The following AGPAT4 variants were observed in gnomAD, a reference collection of about 807,000 sequenced individuals.
The protein encoded by AGPAT4 is 1-acyl-sn-glycerol-3-phosphate acyltransferase delta.
A neutral mutation model predicts 48.0 loss-of-function variants in AGPAT4; 15 were observed. That is an observed-to-expected ratio of 0.31 (90% CI 0.21 to 0.48). The LOEUF is 0.48. AGPAT4 is among the 20% of genes least tolerant of loss of function. AGPAT4 has a pLI of 0.99. For missense variants in AGPAT4, 314 were observed against 482.5 expected, an observed-to-expected ratio of 0.65 and a Z score of 3.27; for synonymous variants, 178 against 198.7, an observed-to-expected ratio of 0.90 and a Z score of 0.88.
In AGPAT4 at chr6:161,261,299, C is replaced by A. The variant is rs1783093612; in HGVS notation, c.-90+12639G>T. ...CCATGAGACAAACAACAGAAAAGAC[C>A]CGGCACAGTCCTGGGCCACATGACG... On this transcript the variant is annotated intron_variant, in intron 1 of 8. Transcript: ENST00000320285. The surrounding 1 kb of genome is among the most constrained non-coding windows in gnomAD (Gnocchi z 5.3). Among the ~76,000 whole-genome samples the A allele has an allele frequency of 6.6e-6, 1 of 152,120 alleles. No homozygotes were observed. Among genetic ancestry groups the A allele is most frequent in the South Asian group, 2.1e-4 (1 of 4,822 alleles).
At chr6:161,188,268 G>A (rs962444506) in intron 2 of AGPAT4, among the ~76,000 whole-genome samples, 4 of 152,118 alleles carry the variant, frequency 2.6e-5, no homozygotes, top group African/African-American at 7.2e-5. Flanking sequence ...AGCCTAGGAC[G>A]CCTTAGGATA....
At chr6:161,250,146 A>G (rs1029935888) in intron 1 of AGPAT4, among the ~76,000 whole-genome samples, 11 of 152,202 alleles carry the variant, frequency 7.2e-5, no homozygotes, top group South Asian at 2.1e-4. Flanking sequence ...AATGATGAGA[A>G]CACATGGACA....
chr6:161,242,218 G>A lies in AGPAT4; in HGVS notation c.-89-9916C>T, dbSNP rs541344163. Among the ~76,000 whole-genome samples, 1 of 152,190 alleles carries A rather than the reference G, an allele frequency of 6.6e-6. No individual in the cohort carries two copies. The highest frequency in any genetic ancestry group is 2.4e-5 in the African/African-American group (1 of 41,442). On this transcript the variant is annotated intron_variant, in intron 1 of 8. Coordinates refer to ENST00000320285, the MANE Select transcript of AGPAT4 (RefSeq NM_020133.3). The surrounding 1 kb of genome is among the most constrained non-coding windows in gnomAD (Gnocchi z 5.0). ...TAGTTAGAGGAGGTGAAGTGTAAAG[G>A]GCTAATGGTGAGTAACTGTGGGGGC...
Position 161,226,898 on chromosome 6 carries a change from A to C in AGPAT4, c.178+5138T>G, listed in dbSNP as rs573710162. Among the ~76,000 whole-genome samples, 3 of 152,226 alleles carry C rather than the reference A, an allele frequency of 2.0e-5. No individual in the cohort carries two copies. The highest frequency in any genetic ancestry group is 4.4e-5 in the Non-Finnish European group (3 of 68,034). ...ATCATCCTGAGGCCATCAGAATGAC[A>C]GCTGACCTCCCTCGGGGGAGCTCCT... On this transcript the variant is annotated intron_variant, in intron 2 of 8. Coordinates refer to ENST00000320285, the MANE Select transcript of AGPAT4 (RefSeq NM_020133.3). This position sits in a 1 kb window ranked among gnomAD's most constrained non-coding sequence, Gnocchi z 6.3.
intron 3 of AGPAT4, among the ~76,000 whole-genome samples, chr6:161,162,372 G>A (rs1779961000): frequency 6.6e-6 from 1 of 152,242 alleles, no homozygotes; most frequent in African/African-American, 2.4e-5. Context: ...GGTTACAGAA[G>A]CTTCATGGCT....
intron 3 of AGPAT4, chr6:161,160,144 T>A (rs185279736): frequency 7.9e-6 from 1 of 125,836 alleles, no homozygotes; most frequent in Non-Finnish European, 1.6e-5. Context: ...GTATTTTTAG[T>A]ACAGACGAGG....
intron 1 of AGPAT4, among the ~76,000 whole-genome samples, chr6:161,252,139 CCTCT>C (rs1782820530): frequency 1.3e-5 from 2 of 152,158 alleles, no homozygotes; most frequent in African/African-American, 2.4e-5. Flanking sequence ...TGTAACGAGG[CCTCT>C]AGAGGCCCCG....
At chr6:161,157,562 C>G (rs1040675995) in intron 3 of AGPAT4, among the ~76,000 whole-genome samples, 4 of 152,168 alleles carry the variant, frequency 2.6e-5, no homozygotes, top group Non-Finnish European at 5.9e-5. Context: ...ATCTGCCTGC[C>G]TCGGCCTCCC....
Position 161,139,369 on chromosome 6 carries a change from C to T in AGPAT4, c.1042+53G>A, listed in dbSNP as rs889316831. ...GGCCTTCGTCCCAGCCCTGATGCCA[C>T]CTCTCCCAGGGTGGTGCTGTCAGCA... On this transcript the variant is annotated intron_variant, in intron 8 of 8. Transcript: ENST00000320285. The surrounding 1 kb of genome is among the most constrained non-coding windows in gnomAD (Gnocchi z 9.1). The T allele has an allele frequency of 1.3e-6, 2 of 1,591,148 alleles. No individual in the cohort carries two copies. Among genetic ancestry groups the T allele is most frequent in the Non-Finnish European group, 1.7e-6 (2 of 1,163,542 alleles).
In AGPAT4 at chr6:161,225,240, A is replaced by C. The variant is rs2115030707; in HGVS notation, c.178+6796T>G. On this transcript the variant is annotated intron_variant, in intron 2 of 8. Coordinates refer to ENST00000320285, the MANE Select transcript of AGPAT4 (RefSeq NM_020133.3). This position sits in a 1 kb window ranked among gnomAD's most constrained non-coding sequence, Gnocchi z 5.0. ...CTGTCATAACCATTTTTCCCGCCAA[A>C]CCACTCACCCCGTCACTCTCTTTAA... is the stretch of plus-strand genomic sequence containing the variant. Among the ~76,000 whole-genome samples the C allele has an allele frequency of 6.6e-6, 1 of 152,198 alleles. No homozygotes were observed. Among genetic ancestry groups the C allele is most frequent in the Non-Finnish European group, 1.5e-5 (1 of 68,002 alleles).
chr6:161,179,257 G>A (rs553929216), intron 2 of AGPAT4, among the ~76,000 whole-genome samples: 2 of 152,208 alleles, frequency 1.3e-5, no homozygotes, highest in Non-Finnish European at 1.5e-5. Flanking sequence ...GTTAGGACGT[G>A]TGTGGCTGGG....
At chr6:161,194,662 A>G (rs747414493) in intron 2 of AGPAT4, among the ~76,000 whole-genome samples, 1 of 151,408 alleles carries the variant, frequency 6.6e-6, no homozygotes, top group African/African-American at 2.4e-5. Flanking sequence ...ATGTATGTGT[A>G]TGTGTGTATA....
chr6:161,227,877 G>A (rs1365871783), intron 2 of AGPAT4, among the ~76,000 whole-genome samples: 1 of 1,304 alleles, frequency 7.7e-4, no homozygotes, highest in Non-Finnish European at 1.5e-3. Context: ...GATGCGGTGG[G>A]GGTGGTGAAA....
rs930495317 is a variant in AGPAT4 at position 161,150,849 on chromosome 6, C to T, written c.665-1560G>A. Among the ~76,000 whole-genome samples, 3 of 152,220 alleles carry T rather than the reference C, an allele frequency of 2.0e-5. No individual in the cohort carries two copies. The South Asian group carries it at 6.2e-4, about 32-fold the overall frequency. On this transcript the variant is annotated intron_variant, in intron 5 of 8. Transcript: ENST00000320285. ...GCTGTGTGGACCATGACTGTAGTGT[C>T]CTAGGGCTTCCCAGTAAGAAGGGGC...
chr6:161,258,215 C>G lies in AGPAT4; in HGVS notation c.-90+15723G>C, dbSNP rs1323022226. Among the ~76,000 whole-genome samples, 4 of 152,190 alleles carry G rather than the reference C, an allele frequency of 2.6e-5. No individual in the cohort carries two copies. In the East Asian group the frequency reaches 7.7e-4, roughly 29 times the overall value. On this transcript the variant is annotated intron_variant, in intron 1 of 8. Transcript: ENST00000320285. The stretch of plus-strand genomic sequence containing the variant: ...GAGTGGCAGTTCAGAGATGAAAACT[C>G]TACGTCCATTGTCTTCCCTAAAAAG...
chr6:161,187,377 C>T (rs1383202882), intron 2 of AGPAT4, among the ~76,000 whole-genome samples: 1 of 152,106 alleles, frequency 6.6e-6, no homozygotes, highest in African/African-American at 2.4e-5. Context: ...GTTTGCCCAA[C>T]CATGGGTCTC....
rs1207298857 is a variant in AGPAT4, at chr6:161,222,083, G to T, written c.178+9953C>A. Reference sequence around the variant, plus strand: ...TGAGGGTTGACTATGCTCTGCTCAGGTCCTGTAAGGCACAGCCTGAAACAC... The same window carrying T: ...TGAGGGTTGACTATGCTCTGCTCAGTTCCTGTAAGGCACAGCCTGAAACAC... On this transcript the variant is annotated intron_variant, in intron 2 of 8. Transcript: ENST00000320285. This position sits in a 1 kb window ranked among gnomAD's most constrained non-coding sequence, Gnocchi z 5.9. Among the ~76,000 whole-genome samples, 1 of 152,150 alleles carries T rather than the reference G, an allele frequency of 6.6e-6. No individual in the cohort carries two copies. Among genetic ancestry groups the T allele is most frequent in the Non-Finnish European group, 1.5e-5 (1 of 68,034 alleles).
intron 1 of AGPAT4, among the ~76,000 whole-genome samples, chr6:161,237,763 G>A (rs899866696): frequency 2.6e-5 from 4 of 151,752 alleles, no homozygotes; most frequent in African/African-American, 7.3e-5. Context: ...CCTTTTTTAC[G>A]ACGAGAATGA....
rs546315852 is a variant in AGPAT4, at chr6:161,146,383, G to C, written c.843+141C>G. On this transcript the variant is annotated intron_variant, in intron 7 of 8. Coordinates refer to ENST00000320285, the MANE Select transcript of AGPAT4 (RefSeq NM_020133.3). The surrounding 1 kb of genome is among the most constrained non-coding windows in gnomAD (Gnocchi z 7.1). ...ATTTTGTCATGTTCTTCATTGCCAA[G>C]AGAGGGTCAGCTCCAGACTCACTAA... The C allele has an allele frequency of 4.4e-6, 3 of 683,532 alleles. No homozygotes were observed. The highest frequency in any genetic ancestry group is 3.6e-5 in the African/African-American group (2 of 55,918). The allele number at this position is 683,532 out of a possible 1,614,324, so 42.3% of individuals were successfully genotyped here.
Sources: gnomAD v4.1 joint callset for allele counts (sites outside exome capture counted in the v4.1 genomes callset) on GRCh38, gnomAD v4.1.1 for gene constraint, Gnocchi (gnomAD v3.1) non-coding constraint, MANE v1.5 for transcripts, NCBI Gene and HGNC (gene_info 2026-07-23, HGNC 2026-07-21) for gene names.